The following KCNMA1 variants were observed in gnomAD, a reference collection of about 807,000 sequenced individuals.
KCNMA1 encodes Calcium-activated potassium channel subunit alpha-1.
Under a neutral mutation model 140.0 loss-of-function variants are expected in KCNMA1, and 29 were observed. That is an observed-to-expected ratio of 0.21 (90% CI 0.15 to 0.28). The LOEUF is 0.28. Ranked by LOEUF, KCNMA1 falls within the 10% of genes least tolerant of loss-of-function variation. KCNMA1 has a pLI of 1.00. For missense variants in KCNMA1, 880 were observed against 1,602.2 expected (o/e 0.55, Z 7.70); for synonymous variants, 612 against 611.9 (o/e 1.00, Z 0.00).
At chr10:77,166,653 G>A (rs1402963956) in intron 5 of KCNMA1, among the ~76,000 whole-genome samples, 2 of 151,864 alleles carry the variant, frequency 1.3e-5, no homozygotes, top group African/African-American at 4.8e-5. Flanking sequence ...AGGAGAAGGA[G>A]GAAGAGGATG....
chr10:77,562,884 T>C (rs1243601229), intron 1 of KCNMA1, among the ~76,000 whole-genome samples: 1 of 152,188 alleles, frequency 6.6e-6, no homozygotes, highest in Non-Finnish European at 1.5e-5. Flanking sequence ...AAAGTAGACA[T>C]TGCAACGCAA....
chr10:77,088,577 G>A (rs1007672094), intron 10 of KCNMA1, among the ~76,000 whole-genome samples: 2 of 152,004 alleles, frequency 1.3e-5, no homozygotes, highest in South Asian at 2.1e-4. Context: ...CTACAGGCAC[G>A]TGCCCCTATG....
chr10:76,950,462 G>A (rs866525693), intron 21 of KCNMA1, among the ~76,000 whole-genome samples: 3 of 152,172 alleles, frequency 2.0e-5, no homozygotes, highest in African/African-American at 7.2e-5. Flanking sequence ...AAATACAAAT[G>A]TTTAGTCACT....
chr10:77,337,205 C>T (rs2089379452), intron 2 of KCNMA1, among the ~76,000 whole-genome samples: 1 of 152,206 alleles, frequency 6.6e-6, no homozygotes, highest in Admixed American at 6.5e-5. Context: ...GTAGTTCCCT[C>T]ATTCAACAGG....
chr10:77,561,149 C>T, intron 1 of KCNMA1, among the ~76,000 whole-genome samples: 1 of 151,374 alleles, frequency 6.6e-6, no homozygotes, highest in African/African-American at 2.4e-5. Context: ...TCCAATGGGA[C>T]CTGCTTAGAT....
At chr10:77,448,977 C>T (rs2097579450) in intron 1 of KCNMA1, among the ~76,000 whole-genome samples, 1 of 151,874 alleles carries the variant, frequency 6.6e-6, no homozygotes, top group African/African-American at 2.4e-5. Flanking sequence ...ATCCCAGCTA[C>T]TCATGAGGCT....
chr10:77,172,886 T>C (rs1248908228), intron 5 of KCNMA1, among the ~76,000 whole-genome samples: 1 of 152,072 alleles, frequency 6.6e-6, no homozygotes, highest in East Asian at 1.9e-4. Flanking sequence ...CTCTGCTCCA[T>C]AGATGGCACT....
intron 9 of KCNMA1, among the ~76,000 whole-genome samples, chr10:77,106,161 C>T (rs973676653): frequency 3.3e-5 from 5 of 151,958 alleles, no homozygotes; most frequent in East Asian, 3.9e-4. Flanking sequence ...TGAACAGGCC[C>T]GGTGCTGATG....
At chr10:77,213,103 G>A (rs529271323) in intron 3 of KCNMA1, among the ~76,000 whole-genome samples, 2 of 152,014 alleles carry the variant, frequency 1.3e-5, no homozygotes, top group Non-Finnish European at 1.5e-5. Context: ...GAAAGACTGA[G>A]TAATTACATA....
At chr10:77,087,324 G>A (rs1041750042) in intron 10 of KCNMA1, among the ~76,000 whole-genome samples, 1 of 152,074 alleles carries the variant, frequency 6.6e-6, no homozygotes, top group Non-Finnish European at 1.5e-5. Context: ...TCTCTCTAGA[G>A]ATAGATAGAT....
intron 1 of KCNMA1, among the ~76,000 whole-genome samples, chr10:77,444,610 A>G (rs1187581271): frequency 6.6e-6 from 1 of 152,154 alleles, no homozygotes; most frequent in Non-Finnish European, 1.5e-5. Flanking sequence ...GCCATGCCAT[A>G]TGCCTCTCTT....
intron 20 of KCNMA1, among the ~76,000 whole-genome samples, chr10:76,957,614 G>A (rs887148137): frequency 4.6e-5 from 7 of 152,186 alleles, no homozygotes; most frequent in South Asian, 2.1e-4. Context: ...AAGGTTGGGC[G>A]AGCCTAGAAG....
chr10:76,965,491 G>C (rs1412152607), intron 20 of KCNMA1, among the ~76,000 whole-genome samples: 1 of 152,138 alleles, frequency 6.6e-6, no homozygotes, highest in Non-Finnish European at 1.5e-5. Context: ...CAAAACACAA[G>C]TTAGGTTACC....
At chr10:77,314,170 A>T (rs1047339112) in intron 2 of KCNMA1, 1 of 152,200 alleles carries the variant, frequency 6.6e-6, no homozygotes, top group Non-Finnish European at 1.5e-5. Flanking sequence ...GTGTGTGTCT[A>T]TTGGGTGTAC....
chr10:77,495,251 G>A lies in KCNMA1; in HGVS notation c.379-91228C>T, dbSNP rs548723357. Among the ~76,000 whole-genome samples, 7 of 152,248 alleles carry A rather than the reference G, an allele frequency of 4.6e-5. No individual in the cohort carries two copies. The East Asian group carries it at 5.8e-4, about 13-fold the overall frequency. ...GGCTCAATGTGTGAAGGAGCTTCCC[G>A]GTTCCAGCCCCCACGTTACCCCAGC... On this transcript the variant is annotated intron_variant, in intron 1 of 27. Transcript: ENST00000286628.
chr10:77,566,524 C>T (rs1195498628), intron 1 of KCNMA1, among the ~76,000 whole-genome samples: 1 of 152,184 alleles, frequency 6.6e-6, no homozygotes, highest in Non-Finnish European at 1.5e-5. Context: ...AGAAAGGTTC[C>T]CTGCAGGCTG....
At chr10:77,168,281 G>C (rs572336559) in intron 5 of KCNMA1, among the ~76,000 whole-genome samples, 1 of 152,242 alleles carries the variant, frequency 6.6e-6, no homozygotes, top group South Asian at 2.1e-4. Flanking sequence ...CTGTGTGTTA[G>C]GATTAAATGA....
At chr10:77,526,679 T>A in intron 1 of KCNMA1, among the ~76,000 whole-genome samples, 1 of 152,222 alleles carries the variant, frequency 6.6e-6, no homozygotes, top group East Asian at 1.9e-4. Flanking sequence ...ACCTTGAAAC[T>A]GAATTCTCTG....
intron 19 of KCNMA1, among the ~76,000 whole-genome samples, chr10:76,998,314 C>T (rs544194772): frequency 8.6e-5 from 13 of 152,012 alleles, no homozygotes; most frequent in South Asian, 4.2e-4. Flanking sequence ...CCCTTGAAAA[C>T]GGAAATTTTT....
Sources: allele counts gnomAD v4.1 joint callset (sites outside exome capture counted in the v4.1 genomes callset), GRCh38; gene constraint gnomAD v4.1.1; transcripts MANE v1.5; gene names NCBI Gene and HGNC (gene_info 2026-07-23, HGNC 2026-07-21).